SLC16A7: variants seen among roughly 807,000 people sequenced by gnomAD.
SLC16A7 encodes monocarboxylate transporter 2.
SLC16A7 carries 33 observed loss-of-function variants against 34.9 expected under a neutral mutation model. That is an observed-to-expected ratio of 0.94 (90% CI 0.72 to 1.26). SLC16A7 has a LOEUF of 1.26. Among genes scored for constraint, SLC16A7 ranks in the 50% most tolerant of loss-of-function variants. SLC16A7 has a pLI of 0.00. For missense variants in SLC16A7, 573 were observed against 578.1 expected (o/e 0.99, Z 0.09); for synonymous variants, 201 against 206.6 (o/e 0.97, Z 0.23).
chr12:59,627,967 G>A (rs1753057808), intron 1 of SLC16A7, among the ~76,000 whole-genome samples: 1 of 151,290 alleles, frequency 6.6e-6, no homozygotes, highest in South Asian at 2.1e-4. Context: ...AATCTTCCAT[G>A]TTGGAAACAC....
At chr12:59,696,889 A>G (rs1872362910) in intron 2 of SLC16A7, among the ~76,000 whole-genome samples, 2 of 152,144 alleles carry the variant, frequency 1.3e-5, no homozygotes, top group South Asian at 4.1e-4. Flanking sequence ...TGGAACCCAT[A>G]GTTATCATTC....
At chr12:59,635,502 T>C (rs1465223768) in intron 1 of SLC16A7, among the ~76,000 whole-genome samples, 1 of 152,108 alleles carries the variant, frequency 6.6e-6, no homozygotes, top group Non-Finnish European at 1.5e-5. Flanking sequence ...ATCCTTTACT[T>C]TACTAATTAC....
At chr12:59,626,847 T>A (rs1330526993) in intron 1 of SLC16A7, among the ~76,000 whole-genome samples, 1 of 151,780 alleles carries the variant, frequency 6.6e-6, no homozygotes, top group Non-Finnish European at 1.5e-5. Flanking sequence ...CAGTTTTAAT[T>A]TTTTGCCACT....
Position 59,741,359 on chromosome 12 carries a change from GGT to G in SLC16A7, c.218-29857_218-29856del, listed in dbSNP as rs371960709. On this transcript the variant is annotated intron_variant, in intron 3 of 5. Coordinates refer to ENST00000547379, the MANE Select transcript of SLC16A7 (RefSeq NM_001270623.2). The stretch of plus-strand genomic sequence containing the variant: ...CCTTACCCAGTGTGTTTGTAAATGT[GGT>G]GTCAGGAGGAACAAACTTTTCACAG... Among the ~76,000 whole-genome samples, 148 of 152,192 alleles carry G rather than the reference GGT, an allele frequency of 9.7e-4. 2 individuals carry two copies. Among genetic ancestry groups the G allele is most frequent in the African/African-American group, 3.5e-3 (144 of 41,530 alleles).
At chr12:59,684,449 A>G (rs1345133002) in intron 2 of SLC16A7, among the ~76,000 whole-genome samples, 1 of 152,164 alleles carries the variant, frequency 6.6e-6, no homozygotes, top group Non-Finnish European at 1.5e-5. Context: ...TGAGCAGGGT[A>G]GGAAGGACAG....
At chr12:59,616,492 T>TA (rs536689980) in intron 1 of SLC16A7, among the ~76,000 whole-genome samples, 20 of 152,104 alleles carry the variant, frequency 1.3e-4, no homozygotes, top group African/African-American at 2.9e-4. Flanking sequence ...GCTTTTTTAA[T>TA]AAAAAAAGAA....
At chr12:59,769,092 C>T (rs1436043866) in intron 3 of SLC16A7, 1 of 152,102 alleles carries the variant, frequency 6.6e-6, no homozygotes, top group Non-Finnish European at 1.5e-5. Context: ...ACAGGACCCT[C>T]CACCAGCAAA....
intron 1 of SLC16A7, among the ~76,000 whole-genome samples, chr12:59,633,690 G>A (rs1046141800): frequency 6.6e-6 from 1 of 151,972 alleles, no homozygotes; most frequent in Non-Finnish European, 1.5e-5. Flanking sequence ...TGCATGGATG[G>A]GGAGGCCCCA....
intron 2 of SLC16A7, among the ~76,000 whole-genome samples, chr12:59,663,088 T>C (rs1405662540): frequency 6.6e-6 from 1 of 152,024 alleles, no homozygotes; most frequent in African/African-American, 2.4e-5. Flanking sequence ...TAATACAAAA[T>C]AAGTACAAAA....
chr12:59,735,361 G>A lies in SLC16A7; in HGVS notation c.217+30343G>A, dbSNP rs376855574. Among the ~76,000 whole-genome samples, 160 of 152,244 alleles carry A rather than the reference G, an allele frequency of 1.1e-3. 2 individuals are homozygous for A. Among genetic ancestry groups the A allele is most frequent in the East Asian group, 7.5e-3 (39 of 5,172 alleles). On this transcript the variant is annotated intron_variant, in intron 3 of 5. Coordinates refer to ENST00000547379, the MANE Select transcript of SLC16A7 (RefSeq NM_001270623.2). ...ATCAATATCACTCTTCAGATGAAAG[G>A]TGGTTCCAGTAATGCCTGATGTCTC...
chr12:59,784,107 G>A lies in SLC16A7; in HGVS notation c.*4428G>A, dbSNP rs1240814992. ...TTCTCATAAAAATAATGACATATTT[G>A]AGTCAGGCATAATACATTTTTTCTG... On this transcript the variant is annotated 3_prime_UTR_variant, in exon 6 of 6. Coordinates refer to ENST00000547379, the MANE Select transcript of SLC16A7 (RefSeq NM_001270623.2). 1 of 152,062 alleles carries A rather than the reference G, an allele frequency of 6.6e-6. No homozygotes were observed. The highest frequency in any genetic ancestry group is 2.4e-5 in the African/African-American group (1 of 41,384). 9.4% of individuals were successfully genotyped at this position (152,062 alleles called of 1,614,324 possible).
chr12:59,635,671 C>A (rs957268405), intron 1 of SLC16A7, among the ~76,000 whole-genome samples: 1 of 151,996 alleles, frequency 6.6e-6, no homozygotes, highest in Non-Finnish European at 1.5e-5. Flanking sequence ...TTTCCTAAAA[C>A]CTATCTATAC....
intron 1 of SLC16A7, among the ~76,000 whole-genome samples, chr12:59,635,102 A>C (rs1341516044): frequency 1.3e-5 from 2 of 152,048 alleles, no homozygotes; most frequent in Admixed American, 1.3e-4. Flanking sequence ...TATTATTGTC[A>C]TGCAGCCATT....
At position 59,771,265 on chromosome 12, in the gene SLC16A7, G is replaced by C; in HGVS notation, c.264G>C (p.Val88=). 6.2e-7 allele frequency: 1 copy of C among 1,613,394 alleles called. No individual in the cohort carries two copies. The highest frequency in any genetic ancestry group is 8.5e-7 in the Non-Finnish European group (1 of 1,179,586). ...TGAATAAATACGGCAGCCGGCCGGT[G>C]GTGATAGCAGGAGGCTTATTATGCT... The part of the protein sequence containing the change: ...VLVNKYGSRP[V]VIAGGLLCCL... Residue 88 remains valine, a synonymous_variant, in exon 4 of 6, where the codon GTG becomes GTC. Transcript: ENST00000547379.
rs182851173 is a variant in SLC16A7, at chr12:59,638,129, A to T, written c.-129-17023A>T. Among the ~76,000 whole-genome samples, 70 of 152,216 alleles carry T rather than the reference A, an allele frequency of 4.6e-4. 6 individuals carry two copies. In the South Asian group the frequency reaches 7.3e-3, roughly 16 times the overall value. On this transcript the variant is annotated intron_variant, in intron 1 of 5. Transcript: ENST00000547379. The stretch of plus-strand genomic sequence containing the variant: ...CGATAAAGAATAGACAGCTGTGTTG[A>T]AATGTAACTGGATAAAAGTATGGGT...
At chr12:59,773,550 A>T (rs1332090627) in intron 4 of SLC16A7, among the ~76,000 whole-genome samples, 3 of 151,812 alleles carry the variant, frequency 2.0e-5, no homozygotes, top group Non-Finnish European at 4.4e-5. Flanking sequence ...TATAAGCCCA[A>T]TTTTATATAA....
In SLC16A7 at chr12:59,779,733, T is replaced by C; in HGVS notation, c.*54T>C. 7.0e-7 allele frequency: 1 copy of C among 1,423,124 alleles called. No homozygotes were observed. Among genetic ancestry groups the C allele is most frequent in the Non-Finnish European group, 9.5e-7 (1 of 1,053,696 alleles). 88.2% of individuals were successfully genotyped at this position (1,423,124 alleles called of 1,614,324 possible). A position where few individuals can be genotyped will look rare whatever the true frequency, so the allele number is the denominator to read the frequency against. On this transcript the variant is annotated 3_prime_UTR_variant, in exon 6 of 6. Transcript: ENST00000547379. ...TATGACTTTATCTAGGAGTTTGTTT[T>C]TCATTTTGTTTTTTTAAAGTATTAG...
chr12:59,684,626 A>G (rs1241713916), intron 2 of SLC16A7, among the ~76,000 whole-genome samples: 1 of 152,168 alleles, frequency 6.6e-6, no homozygotes, highest in Non-Finnish European at 1.5e-5. Flanking sequence ...ACGCTGCAGC[A>G]AAATCAGAGC....
At chr12:59,606,860 A>ATG (rs10623721) in intron 1 of SLC16A7, among the ~76,000 whole-genome samples, 18,526 of 151,238 alleles carry the variant, frequency 0.12, 1,964 homozygotes, top group East Asian at 0.63. Context: ...ATATATATAT[A>ATG]TGTGTGTGTG....
Sources: allele counts gnomAD v4.1 joint callset (sites outside exome capture counted in the v4.1 genomes callset), GRCh38; gene constraint gnomAD v4.1.1; transcripts MANE v1.5; gene names NCBI Gene and HGNC (gene_info 2026-07-23, HGNC 2026-07-21).